Variants in TNPO1 observed in about 807,000 individuals in gnomAD.
The protein encoded by TNPO1 is transportin 1, also known as transportin-1.
A neutral mutation model predicts 119.5 loss-of-function variants in TNPO1; 8 were observed. The observed-to-expected ratio is 0.07, with a 90% CI of 0.04 to 0.12. The LOEUF is 0.12. TNPO1 is among the 10% of genes least tolerant of loss of function. TNPO1 has a pLI of 1.00. For synonymous variants in TNPO1, 362 were observed against 363.0 expected (o/e 1.00, Z 0.03); for missense variants, 576 against 1,089.8 (o/e 0.53, Z 6.64).
At chr5:72,896,694 A>T (rs1264745542) in intron 19 of TNPO1, 138 bp downstream of exon 19, 2 of 585,814 alleles carry the variant, frequency 3.4e-6, no homozygotes, top group Non-Finnish European at 5.8e-6. Context: ...ACATGGTGAA[A>T]CCCCGTCTCT....
rs748344173 is a variant in TNPO1 at position 72,888,281 on chromosome 5, A to G, written c.1507A>G (p.Arg503Gly). ...LLKRILDSNK[R>G]VQEAACSAFA... ...AAAGCGCATCCTGGACAGCAACAAG[A>G]GAGTACAAGAAGCTGCCTGCAGGTG... Residue 503 changes from arginine (R) to glycine (G), a missense_variant, in exon 13 of 25, where the codon AGA (arginine) becomes GGA (glycine). By Grantham distance (125) the Arg-to-Gly change is moderately radical. Coordinates refer to ENST00000337273, the MANE Select transcript of TNPO1 (RefSeq NM_002270.4). The G allele has an allele frequency of 2.5e-6, 4 of 1,614,164 alleles. No homozygotes were observed. Among genetic ancestry groups the G allele is most frequent in the South Asian group, 1.1e-5 (1 of 91,086 alleles).
Position 72,816,707 on chromosome 5 carries a change from G to C in TNPO1, c.-31G>C, listed in dbSNP as rs1419746355. 30 of 1,563,080 alleles carry C rather than the reference G, an allele frequency of 1.9e-5. No homozygotes were observed. The highest frequency in any genetic ancestry group is 2.4e-5 in the Non-Finnish European group (28 of 1,156,872). On this transcript the variant is annotated 5_prime_UTR_variant, in exon 1 of 25. Coordinates refer to ENST00000337273, the MANE Select transcript of TNPO1 (RefSeq NM_002270.4). ...CCGGACAGGAGGCAGTGCCGCTTCGGCCGAAGGCCCGAGCGCCCGAGGCGT... is the reference window on the plus strand; with the variant it reads ...CCGGACAGGAGGCAGTGCCGCTTCGCCCGAAGGCCCGAGCGCCCGAGGCGT...
At chr5:72,824,036 T>C (rs1288832144) in intron 1 of TNPO1, among the ~76,000 whole-genome samples, 1 of 152,170 alleles carries the variant, frequency 6.6e-6, no homozygotes, top group East Asian at 1.9e-4. Context: ...CCACTCCACA[T>C]ACCTCTGGCA....
At chr5:72,895,118 CTT>C (rs1749327848) in intron 18 of TNPO1, among the ~76,000 whole-genome samples, 1 of 152,028 alleles carries the variant, frequency 6.6e-6, no homozygotes, top group African/African-American at 2.4e-5. Context: ...TATACTATCT[CTT>C]CTTACAATTG....
chr5:72,877,249 G>T lies in TNPO1; in HGVS notation c.823G>T (p.Asp275Tyr). Residue 275 changes from aspartate (D) to tyrosine (Y), a missense_variant, in exon 9 of 25, where the codon GAT becomes TAT. Coordinates refer to ENST00000337273, the MANE Select transcript of TNPO1 (RefSeq NM_002270.4). ...CCAGTACATGCTACAGAGGACTCAA[G>T]ATCAAGATGAAAATGTGGCTTTAGA... ...IVEYMLQRTQ[D>Y]QDENVALEAC... 1 of 1,610,798 alleles carries T rather than the reference G, an allele frequency of 6.2e-7. No homozygotes were observed. Among genetic ancestry groups the T allele is most frequent in the Non-Finnish European group, 8.5e-7 (1 of 1,177,802 alleles).
At chr5:72,882,624 T>A in intron 10 of TNPO1, 97 bp downstream of exon 10, 1 of 770,364 alleles carries the variant, frequency 1.3e-6, no homozygotes, top group Non-Finnish European at 2.1e-6. Flanking sequence ...AGAATAGATC[T>A]CCTGTAAATA....
At chr5:72,903,631 C>A in intron 22 of TNPO1, 78 bp from the exon 23 acceptor site, 1 of 892,956 alleles carries the variant, frequency 1.1e-6, no homozygotes, top group Non-Finnish European at 1.8e-6. Flanking sequence ...GTGACATAAA[C>A]TCTGAGGTTT....
chr5:72,849,995 A>G (rs1270768575), intron 2 of TNPO1, among the ~76,000 whole-genome samples: 3 of 152,150 alleles, frequency 2.0e-5, no homozygotes, highest in Non-Finnish European at 4.4e-5. Flanking sequence ...TGCTTGGGCA[A>G]GTAGTCAATT....
At chr5:72,868,800 G>A (rs1422436723) in intron 6 of TNPO1, among the ~76,000 whole-genome samples, 1 of 151,862 alleles carries the variant, frequency 6.6e-6, no homozygotes, top group African/African-American at 2.4e-5. Flanking sequence ...TGAAGTCAGG[G>A]GTTCAAGACT....
chr5:72,817,030 C>A lies in TNPO1; in HGVS notation c.15+278C>A, dbSNP rs1400615661. 6.4e-6 allele frequency: 3 copies of A among 469,794 alleles called. No individual in the cohort carries two copies. The East Asian group carries it at 1.1e-4, about 17-fold the overall frequency. The allele number at this position is 469,794 out of a possible 1,614,324, so 29.1% of individuals were successfully genotyped here. A position where few individuals can be genotyped will look rare whatever the true frequency, so the allele number is the denominator to read the frequency against. Reference sequence around the variant, plus strand: ...GGCGGCAGGAGCCCGTTACAAGGGGCGGGAAGGGAAGGGTCTTACATTCAG... The same window carrying A: ...GGCGGCAGGAGCCCGTTACAAGGGGAGGGAAGGGAAGGGTCTTACATTCAG... On this transcript the variant is annotated intron_variant, in intron 1 of 24. Transcript: ENST00000337273.
chr5:72,858,573 C>T (rs1162704799), intron 4 of TNPO1, among the ~76,000 whole-genome samples: 5 of 152,168 alleles, frequency 3.3e-5, no homozygotes, highest in African/African-American at 1.2e-4. Flanking sequence ...TGCGGTGGCT[C>T]ATGCCTGTAA....
At chr5:72,846,604 TAA>T (rs947212619) in intron 1 of TNPO1, among the ~76,000 whole-genome samples, 6 of 152,080 alleles carry the variant, frequency 3.9e-5, no homozygotes, top group African/African-American at 1.2e-4. Context: ...TTTCTGAAGT[TAA>T]GAGAGGGAAG....
At chr5:72,897,235 T>C (rs1157479216) in intron 20 of TNPO1, 84 bp downstream of exon 20, 2 of 903,972 alleles carry the variant, frequency 2.2e-6, no homozygotes, top group African/African-American at 1.7e-5. Flanking sequence ...AAAGCAAAAC[T>C]AGCTTTTAAA....
chr5:72,891,443 C>T (rs769140489), intron 14 of TNPO1, among the ~76,000 whole-genome samples: 1 of 151,936 alleles, frequency 6.6e-6, no homozygotes, highest in African/African-American at 2.4e-5. Context: ...CTAGCCTGGA[C>T]GACAGAGCAA....
chr5:72,845,850 C>T (rs1427104641), intron 1 of TNPO1, among the ~76,000 whole-genome samples: 5 of 152,008 alleles, frequency 3.3e-5, no homozygotes, highest in Non-Finnish European at 7.4e-5. Context: ...GCTATTGGTC[C>T]CTTGCTTTAG....
At chr5:72,902,074 T>TG (rs779480927) in intron 22 of TNPO1, among the ~76,000 whole-genome samples, 8 of 145,570 alleles carry the variant, frequency 5.5e-5, no homozygotes, top group East Asian at 2.3e-4. Context: ...AGACTTCATC[T>TG]GGAAAAAAAA....
chr5:72,847,353 G>A (rs1337443209), intron 1 of TNPO1, among the ~76,000 whole-genome samples: 2 of 152,158 alleles, frequency 1.3e-5, no homozygotes, highest in Non-Finnish European at 2.9e-5. Flanking sequence ...TAGTTTTAGT[G>A]AAAAATGTCA....
At chr5:72,862,082 C>G (rs922475543) in intron 5 of TNPO1, among the ~76,000 whole-genome samples, 168 bp downstream of exon 5, 1 of 152,186 alleles carries the variant, frequency 6.6e-6, no homozygotes, top group African/African-American at 2.4e-5. Context: ...ATTTATTTTT[C>G]TATAAAAACT....
chr5:72,878,710 C>T, intron 9 of TNPO1: 1 of 222,382 alleles, frequency 4.5e-6, no homozygotes. Flanking sequence ...TCTTCCTTTT[C>T]TCTTTACTTT....
Sources: allele counts gnomAD v4.1 joint callset (sites outside exome capture counted in the v4.1 genomes callset), GRCh38; gene constraint gnomAD v4.1.1; transcripts MANE v1.5; gene names NCBI Gene and HGNC (gene_info 2026-07-23, HGNC 2026-07-21).